The following PAWR variants were observed in gnomAD, a reference collection of about 807,000 sequenced individuals.
PAWR encodes the protein PRKC apoptosis WT1 regulator protein.
In PAWR, 23 loss-of-function variants were observed where a neutral mutation model predicts 32.0. The observed-to-expected ratio is 0.72, with a 90% CI of 0.52 to 1.02. The LOEUF is 1.02. Ranked by LOEUF, PAWR falls within the 50% of genes least tolerant of loss-of-function variation. The pLI is 0.00. For missense variants in PAWR, 457 were observed against 437.7 expected (o/e 1.04, Z -0.39); for synonymous variants, 226 against 187.1 (o/e 1.21, Z -1.70).
intron 2 of PAWR, among the ~76,000 whole-genome samples, chr12:79,660,608 G>T (rs1170736439): frequency 6.8e-6 from 1 of 148,122 alleles, no homozygotes; most frequent in East Asian, 2.0e-4. Flanking sequence ...TTTTGAGATG[G>T]AGTCTCGTTC....
At chr12:79,680,240 T>C (rs1372697864) in intron 2 of PAWR, among the ~76,000 whole-genome samples, 3 of 152,172 alleles carry the variant, frequency 2.0e-5, no homozygotes, top group African/African-American at 2.4e-5. Context: ...CACGTAGAAA[T>C]ATATGCATAC....
intron 4 of PAWR, among the ~76,000 whole-genome samples, chr12:79,607,803 C>G (rs772745382): frequency 3.3e-5 from 5 of 150,954 alleles, no homozygotes; most frequent in Non-Finnish European, 7.4e-5. Context: ...GACCAACAAA[C>G]CAAGGAAGTT....
rs1255721526 is a variant in PAWR at position 79,585,452 on chromosome 12, A to C, written c.*7155T>G. The C allele has an allele frequency of 2.6e-5, 5 of 189,260 alleles. No individual in the cohort carries two copies. The highest frequency in any genetic ancestry group is 5.5e-5 in the Non-Finnish European group (5 of 91,706). The allele number at this position is 189,260 out of a possible 1,614,324, so 11.7% of individuals were successfully genotyped here. A position where few individuals can be genotyped will look rare whatever the true frequency, so the allele number is the denominator to read the frequency against. ...AGAACCACTGGCAAAACATTTAATA[A>C]GACAATTCCATGATAAAAGTATATC... On this transcript the variant is annotated 3_prime_UTR_variant, in exon 7 of 7. Transcript: ENST00000328827.
intron 2 of PAWR, among the ~76,000 whole-genome samples, chr12:79,657,540 C>T (rs1877148896): frequency 1.3e-5 from 2 of 152,070 alleles, no homozygotes; most frequent in Admixed American, 6.6e-5. Flanking sequence ...GCCCGTAATC[C>T]CAGCACTTTG....
chr12:79,681,952 C>A (rs1878467238), intron 2 of PAWR, among the ~76,000 whole-genome samples: 1 of 152,100 alleles, frequency 6.6e-6, no homozygotes, highest in South Asian at 2.1e-4. Flanking sequence ...CTGGAAAAAA[C>A]TCCAAAATAA....
Position 79,690,112 on chromosome 12 carries a change from C to T in PAWR, c.133G>A (p.Gly45Ser). Residue 45 changes from glycine to serine, a missense_variant, in exon 2 of 7, where the codon GGC becomes AGC. Coordinates refer to ENST00000328827, the MANE Select transcript of PAWR (RefSeq NM_002583.4). ...NPPGPAPPGG[G>S]SSDAAGKPPA... is the part of the protein sequence containing the mutation. ...GGCTTCCCAGCGGCGTCGCTGCTGC[C>T]CCCTCCCGGGGGGGCCGGGCCCGGG... 6.7e-7 allele frequency: 1 copy of T among 1,497,412 alleles called. No homozygotes were observed. Among genetic ancestry groups the T allele is most frequent in the Non-Finnish European group, 8.9e-7 (1 of 1,127,808 alleles). 92.8% of individuals were successfully genotyped at this position (1,497,412 alleles called of 1,614,324 possible).
chr12:79,676,156 G>C (rs184780095), intron 2 of PAWR, among the ~76,000 whole-genome samples: 5 of 152,158 alleles, frequency 3.3e-5, no homozygotes, highest in Admixed American at 3.3e-4. Context: ...TAATAGCAGT[G>C]ACCCATCTAG....
intron 2 of PAWR, among the ~76,000 whole-genome samples, chr12:79,664,661 G>GGGA (rs1555177490): frequency 6.7e-6 from 1 of 148,940 alleles, no homozygotes; most frequent in African/African-American, 2.5e-5. Flanking sequence ...TCTTTGGCGG[G>GGGA]GGGGGGAGGA....
chr12:79,687,367 A>G (rs1216898230), intron 2 of PAWR, among the ~76,000 whole-genome samples: 2 of 152,200 alleles, frequency 1.3e-5, no homozygotes, highest in Non-Finnish European at 2.9e-5. Context: ...AAGTCACAAT[A>G]AATGTATCAC....
chr12:79,607,362 A>C (rs1874227217), intron 4 of PAWR, among the ~76,000 whole-genome samples: 1 of 152,180 alleles, frequency 6.6e-6, no homozygotes. Flanking sequence ...TAGCCCAAGA[A>C]GACTCTCTTT....
At chr12:79,622,935 T>C (rs1007531843) in intron 2 of PAWR, among the ~76,000 whole-genome samples, 10 of 152,116 alleles carry the variant, frequency 6.6e-5, no homozygotes, top group African/African-American at 1.9e-4. Flanking sequence ...TCGAAAGGCA[T>C]AGAGGGAACA....
At chr12:79,607,464 C>T (rs1261086339) in intron 4 of PAWR, among the ~76,000 whole-genome samples, 2 of 152,094 alleles carry the variant, frequency 1.3e-5, no homozygotes, top group African/African-American at 4.8e-5. Flanking sequence ...TACAATGGCT[C>T]GCACCTGTAA....
intron 2 of PAWR, among the ~76,000 whole-genome samples, chr12:79,666,537 AGT>A (rs1225870576): frequency 6.6e-6 from 1 of 152,220 alleles, no homozygotes; most frequent in African/African-American, 2.4e-5. Flanking sequence ...TTCTCCCATG[AGT>A]GTACACAAAG....
At chr12:79,682,751 T>C (rs1000848312) in intron 2 of PAWR, among the ~76,000 whole-genome samples, 1 of 152,250 alleles carries the variant, frequency 6.6e-6, no homozygotes, top group Non-Finnish European at 1.5e-5. Context: ...TGTAGGTATA[T>C]GGCTATAACA....
chr12:79,662,467 T>C (rs966516729), intron 2 of PAWR, among the ~76,000 whole-genome samples: 2 of 152,146 alleles, frequency 1.3e-5, no homozygotes, highest in African/African-American at 4.8e-5. Flanking sequence ...GCCTGTGACT[T>C]TCTACTGTAT....
rs1566011187 is a variant in PAWR, at chr12:79,632,357, ATATATT to A, written c.517-11156_517-11151del. ...TATATATATATATATATATATATAT[ATATATT>A]TTTTTTTTTTTTTAGACAGGGTCTT... is the stretch of plus-strand genomic sequence containing the variant. On this transcript the variant is annotated intron_variant, in intron 2 of 6. Transcript: ENST00000328827. 9.0e-4 allele frequency among the ~76,000 whole-genome samples: 16 copies of A among 17,694 alleles called. 1 individual carries two copies. Among genetic ancestry groups the A allele is most frequent in the South Asian group, 5.0e-3 (4 of 796 alleles). 11.6% of individuals were successfully genotyped at this position (17,694 alleles called of 152,430 possible).
At position 79,654,733 on chromosome 12, in the gene PAWR, G is replaced by C. The variant is rs148612297; in HGVS notation, c.517-33526C>G. Among the ~76,000 whole-genome samples the C allele has an allele frequency of 4.1e-3, 630 of 152,328 alleles. 12 individuals carry two copies. Among genetic ancestry groups the C allele is most frequent in the African/African-American group, 0.014 (596 of 41,572 alleles). On this transcript the variant is annotated intron_variant, in intron 2 of 6. Coordinates refer to ENST00000328827, the MANE Select transcript of PAWR (RefSeq NM_002583.4). ...ACCTTCTTCAAAAGGTGGCAGGAGAGTGTGAGCATGTAGAGAACTACCATT... is the reference window on the plus strand; with the variant it reads ...ACCTTCTTCAAAAGGTGGCAGGAGACTGTGAGCATGTAGAGAACTACCATT...
intron 2 of PAWR, among the ~76,000 whole-genome samples, chr12:79,681,733 T>A (rs777923174): frequency 2.6e-5 from 4 of 152,096 alleles, no homozygotes; most frequent in African/African-American, 9.7e-5. Flanking sequence ...CAGAAAAAAA[T>A]TAGGATTACA....
chr12:79,653,602 C>T lies in PAWR; in HGVS notation c.517-32395G>A, dbSNP rs1030147700. 3.3e-5 allele frequency among the ~76,000 whole-genome samples: 5 copies of T among 152,322 alleles called. No homozygotes were observed. The South Asian group carries it at 8.3e-4, about 25-fold the overall frequency. ...TCAAGCGATTCTCCTGCCTCAGCCT[C>T]CCGAGTAGCTGGGATTACAGGCATG... On this transcript the variant is annotated intron_variant, in intron 2 of 6. Coordinates refer to ENST00000328827, the MANE Select transcript of PAWR (RefSeq NM_002583.4).
Sources: allele counts gnomAD v4.1 joint callset (sites outside exome capture counted in the v4.1 genomes callset), GRCh38; gene constraint gnomAD v4.1.1; transcripts MANE v1.5; gene names NCBI Gene and HGNC (gene_info 2026-07-23, HGNC 2026-07-21).